Variants in UBE3D observed in about 807,000 individuals in gnomAD.
The protein encoded by UBE3D is E3 ubiquitin-protein ligase E3D.
A neutral mutation model predicts 49.6 loss-of-function variants in UBE3D; 48 were observed. The ratio of observed to expected loss-of-function variants is 0.97; its 90% CI spans 0.77 to 1.23. The LOEUF (loss-of-function observed/expected upper bound fraction) is 1.23. UBE3D is among the 50% of genes most tolerant of loss of function. The pLI, the probability that UBE3D is intolerant of heterozygous loss-of-function variation, is 0.00. For missense variants in UBE3D, 452 were observed against 468.4 expected (o/e 0.96, Z 0.32); for synonymous variants, 189 against 174.2 (o/e 1.08, Z -0.67).
chr6:83,047,011 T>C (rs1783104315), intron 3 of UBE3D, among the ~76,000 whole-genome samples: 1 of 152,232 alleles, frequency 6.6e-6, no homozygotes, highest in African/African-American at 2.4e-5. Flanking sequence ...TGCCACTGTA[T>C]TTCTACTGTC....
intron 4 of UBE3D, among the ~76,000 whole-genome samples, chr6:83,042,412 T>G (rs1257101586): frequency 6.6e-6 from 1 of 152,388 alleles, no homozygotes; most frequent in East Asian, 1.9e-4. Context: ...TTGTTTGTGC[T>G]GTTTTTAAAA....
At chr6:82,905,214 T>C (rs1772013748) in intron 9 of UBE3D, among the ~76,000 whole-genome samples, 2 of 152,238 alleles carry the variant, frequency 1.3e-5, no homozygotes, top group Non-Finnish European at 2.9e-5. Context: ...AATTGAAGGT[T>C]TGCAGTAACC....
chr6:82,998,678 T>C (rs943177784), intron 8 of UBE3D, among the ~76,000 whole-genome samples: 3 of 152,202 alleles, frequency 2.0e-5, no homozygotes, highest in African/African-American at 7.2e-5. Flanking sequence ...AATATATAAT[T>C]AAAAGCTTTC....
At chr6:82,940,807 A>G (rs1238628620) in intron 9 of UBE3D, among the ~76,000 whole-genome samples, 3 of 152,214 alleles carry the variant, frequency 2.0e-5, no homozygotes, top group African/African-American at 7.2e-5. Context: ...AGGAAAGAGC[A>G]GAGTATTGTC....
chr6:83,045,658 T>C lies in UBE3D; in HGVS notation c.366-999A>G, dbSNP rs185191302. Among the ~76,000 whole-genome samples the C allele has an allele frequency of 1.1e-3, 171 of 152,268 alleles. 1 individual carries two copies. The highest frequency in any genetic ancestry group is 3.7e-3 in the African/African-American group (155 of 41,564). ...TACTATATTTTAGTAAACTTTTCAT[T>C]TTGGAATAACTTTAGATTTACAGAA... On this transcript the variant is annotated intron_variant, in intron 3 of 9. Transcript: ENST00000369747.
At chr6:83,022,919 A>T in intron 6 of UBE3D, among the ~76,000 whole-genome samples, 1 of 152,222 alleles carries the variant, frequency 6.6e-6, no homozygotes, top group Non-Finnish European at 1.5e-5. Context: ...GAAGGCAAGA[A>T]ATTTCCTTCC....
intron 5 of UBE3D, among the ~76,000 whole-genome samples, chr6:83,025,882 T>TAAAAAAAAAA (rs70987730): frequency 4.4e-5 from 4 of 90,320 alleles, no homozygotes; most frequent in African/African-American, 4.3e-5. Context: ...GACTCCATCT[T>TAAAAAAAAAA]AAAAAAAAAA....
intron 9 of UBE3D, among the ~76,000 whole-genome samples, chr6:82,951,832 A>G (rs1562115124): frequency 1.3e-5 from 2 of 151,562 alleles, no homozygotes; most frequent in Admixed American, 6.7e-5. Flanking sequence ...CTAGTCTCAA[A>G]AGAAAGAGAT....
chr6:82,927,700 T>C (rs1041711200), intron 9 of UBE3D, among the ~76,000 whole-genome samples: 2 of 151,970 alleles, frequency 1.3e-5, no homozygotes, highest in African/African-American at 4.8e-5. Context: ...TTGGCTTTTG[T>C]ATATTAACTT....
chr6:82,917,598 C>T (rs900373921), intron 9 of UBE3D, among the ~76,000 whole-genome samples: 2 of 152,030 alleles, frequency 1.3e-5, no homozygotes, highest in Non-Finnish European at 2.9e-5. Context: ...GTAATGAGCA[C>T]GATTAGGAAG....
intron 9 of UBE3D, among the ~76,000 whole-genome samples, chr6:82,910,510 G>C (rs1204159924): frequency 6.6e-6 from 1 of 152,100 alleles, no homozygotes; most frequent in Non-Finnish European, 1.5e-5. Context: ...ATCCTGCCCA[G>C]AAAATGATCT....
chr6:82,923,209 G>C (rs1773485704), intron 9 of UBE3D, among the ~76,000 whole-genome samples: 1 of 152,142 alleles, frequency 6.6e-6, no homozygotes, highest in Non-Finnish European at 1.5e-5. Context: ...CCATTACTGG[G>C]TATATACCCA....
intron 8 of UBE3D, among the ~76,000 whole-genome samples, chr6:83,002,378 T>C (rs1779689518): frequency 6.6e-6 from 1 of 152,110 alleles, no homozygotes; most frequent in African/African-American, 2.4e-5. Flanking sequence ...ATGGATGAGA[T>C]TAGCACCTTT....
At chr6:82,903,389 A>T (rs906131840) in intron 9 of UBE3D, among the ~76,000 whole-genome samples, 5 of 152,162 alleles carry the variant, frequency 3.3e-5, no homozygotes, top group African/African-American at 1.2e-4. Context: ...TCTTAAGAGA[A>T]AATAATTATT....
intron 8 of UBE3D, among the ~76,000 whole-genome samples, chr6:83,009,290 T>C (rs139274018): frequency 1.3e-5 from 2 of 152,182 alleles, no homozygotes; most frequent in African/African-American, 4.8e-5. Flanking sequence ...GAACCTACAG[T>C]TACCAATAGG....
intron 8 of UBE3D, chr6:83,017,618 T>A (rs183222067): frequency 7.6e-4 from 115 of 152,228 alleles, no homozygotes; most frequent in Middle Eastern, 3.4e-3. Context: ...AAATGGAAAT[T>A]TGGGTGAGAG....
At chr6:82,901,819 AAAG>A (rs1268656507) in intron 9 of UBE3D, among the ~76,000 whole-genome samples, 1 of 152,228 alleles carries the variant, frequency 6.6e-6, no homozygotes, top group Non-Finnish European at 1.5e-5. Context: ...CAATATTAAT[AAAG>A]GAGCCTGGGC....
chr6:82,922,665 G>GCATGGGTAAAAACTT (rs1582353899), intron 9 of UBE3D, among the ~76,000 whole-genome samples: 3 of 150,666 alleles, frequency 2.0e-5, no homozygotes, highest in Admixed American at 6.6e-5. Context: ...CAGGACATAG[G>GCATGGGTAAAAACTT]CATGTCTAAA....
chr6:83,013,114 G>A (rs1780462615), intron 8 of UBE3D, among the ~76,000 whole-genome samples: 1 of 152,158 alleles, frequency 6.6e-6, no homozygotes, highest in African/African-American at 2.4e-5. Flanking sequence ...GCCCAATCAT[G>A]CATATACCAC....
Sources: gnomAD v4.1 joint callset for allele counts (sites outside exome capture counted in the v4.1 genomes callset) on GRCh38, gnomAD v4.1.1 for gene constraint, MANE v1.5 for transcripts, NCBI Gene and HGNC (gene_info 2026-07-23, HGNC 2026-07-21) for gene names.